LINGO2: variants seen among roughly 807,000 people sequenced by gnomAD.
The protein encoded by LINGO2 is leucine rich repeat and Ig domain containing 2.
In LINGO2, 14 loss-of-function variants were observed where a neutral mutation model predicts 30.6. The observed-to-expected ratio is 0.46, with a 90% CI of 0.30 to 0.72. The LOEUF (loss-of-function observed/expected upper bound fraction) is 0.72, where lower values mean the gene tolerates loss of function less well. LINGO2 is among the 30% of genes least tolerant of loss of function. The pLI is 0.07. For synonymous variants in LINGO2, 317 were observed against 288.5 expected, an observed-to-expected ratio of 1.10 and a Z score of -1.00; for missense variants, 729 against 751.7, an observed-to-expected ratio of 0.97 and a Z score of 0.35.
intron 5 of LINGO2, among the ~76,000 whole-genome samples, chr9:27,977,063 C>A (rs1278322047): frequency 1.3e-5 from 2 of 150,566 alleles, no homozygotes; most frequent in African/African-American, 4.9e-5. Context: ...GAAGTGGAAG[C>A]AAACAACTGA....
At chr9:28,172,351 A>G (rs1190558507) in intron 4 of LINGO2, among the ~76,000 whole-genome samples, 1 of 150,664 alleles carries the variant, frequency 6.6e-6, no homozygotes, top group East Asian at 2.0e-4. Flanking sequence ...AGATCCCGCC[A>G]CTGCACTCCA....
the LINGO2 span, among the ~76,000 whole-genome samples, chr9:28,763,423 A>C: frequency 1.3e-5 from 2 of 152,038 alleles, no homozygotes; most frequent in Non-Finnish European, 2.9e-5. Context: ...ACTAAATAAC[A>C]AACTTTTGAA....
At chr9:28,968,454 T>A in the LINGO2 span, among the ~76,000 whole-genome samples, 1 of 152,168 alleles carries the variant, frequency 6.6e-6, no homozygotes, top group Non-Finnish European at 1.5e-5. Context: ...AGTAAAAATC[T>A]CATTGTAATG....
the LINGO2 span, among the ~76,000 whole-genome samples, chr9:29,048,677 C>T: frequency 6.6e-6 from 1 of 152,106 alleles, no homozygotes; most frequent in African/African-American, 2.4e-5. Flanking sequence ...CTACAGTGAA[C>T]TCATTTTTGA....
intron 4 of LINGO2, among the ~76,000 whole-genome samples, chr9:28,238,802 A>G (rs570472392): frequency 7.3e-5 from 9 of 122,638 alleles, no homozygotes; most frequent in Admixed American, 3.7e-4. Flanking sequence ...GAACAGAAAT[A>G]AATAAATTTG....
intron 4 of LINGO2, among the ~76,000 whole-genome samples, chr9:28,134,208 T>C (rs1345422192): frequency 2.0e-5 from 3 of 152,172 alleles, no homozygotes; most frequent in Non-Finnish European, 2.9e-5. Flanking sequence ...TATATATTCT[T>C]GTCCCCAAAC....
intron 1 of LINGO2, among the ~76,000 whole-genome samples, chr9:28,655,781 G>A (rs934816123): frequency 6.6e-6 from 1 of 152,040 alleles, no homozygotes; most frequent in Non-Finnish European, 1.5e-5. Flanking sequence ...AGAAGGATGT[G>A]TTGGTCTTCT....
intron 4 of LINGO2, among the ~76,000 whole-genome samples, chr9:28,070,400 C>T (rs1365519084): frequency 6.6e-6 from 1 of 151,932 alleles, no homozygotes; most frequent in Non-Finnish European, 1.5e-5. Flanking sequence ...TGACCTATAC[C>T]AAAAACCAAA....
the LINGO2 span, among the ~76,000 whole-genome samples, chr9:28,956,425 G>A: frequency 5.3e-5 from 8 of 152,074 alleles, no homozygotes; most frequent in Non-Finnish European, 1.5e-5. Flanking sequence ...AAAGTGACAG[G>A]TTTTTGTCTT....
At chr9:28,053,108 C>T (rs1350435623) in intron 4 of LINGO2, among the ~76,000 whole-genome samples, 1 of 151,850 alleles carries the variant, frequency 6.6e-6, no homozygotes. Flanking sequence ...GACAGGGGAA[C>T]CATAAGGTAT....
At chr9:28,898,585 CT>C in the LINGO2 span, among the ~76,000 whole-genome samples, 5 of 151,222 alleles carry the variant, frequency 3.3e-5, no homozygotes, top group South Asian at 4.2e-4. Context: ...TAATCGACCC[CT>C]TTTTTTTTAA....
intron 5 of LINGO2, among the ~76,000 whole-genome samples, chr9:27,986,450 T>A (rs1037075650): frequency 4.0e-5 from 6 of 151,872 alleles, no homozygotes; most frequent in Non-Finnish European, 7.4e-5. Flanking sequence ...GTGAATTTAG[T>A]ACTCTCCGGT....
chr9:28,464,276 T>A (rs1264296202), intron 2 of LINGO2, among the ~76,000 whole-genome samples: 1 of 152,226 alleles, frequency 6.6e-6, no homozygotes, highest in Non-Finnish European at 1.5e-5. Flanking sequence ...TCTCCCTGTT[T>A]ATCTGCCAAG....
At chr9:29,140,245 C>A in the LINGO2 span, among the ~76,000 whole-genome samples, 4 of 151,708 alleles carry the variant, frequency 2.6e-5, no homozygotes, top group Non-Finnish European at 2.9e-5. Flanking sequence ...AAAATGGGCA[C>A]GTATGAATTA....
At chr9:29,142,838 T>G in the LINGO2 span, among the ~76,000 whole-genome samples, 1 of 151,860 alleles carries the variant, frequency 6.6e-6, no homozygotes, top group East Asian at 1.9e-4. Flanking sequence ...AAGCGTCCAT[T>G]GAGAGAGGAA....
chr9:28,967,006 A>G, the LINGO2 span, among the ~76,000 whole-genome samples: 1 of 152,122 alleles, frequency 6.6e-6, no homozygotes, highest in Admixed American at 6.6e-5. Context: ...ATTACTCTTC[A>G]AGATTTCACC....
the LINGO2 span, among the ~76,000 whole-genome samples, chr9:28,879,295 A>T: frequency 5.7e-3 from 861 of 152,266 alleles, 8 homozygotes; most frequent in African/African-American, 0.02. Flanking sequence ...TTCTAAAATG[A>T]CATGTCCAAA....
intron 4 of LINGO2, among the ~76,000 whole-genome samples, chr9:28,054,667 C>CA (rs1824835939): frequency 1.3e-5 from 2 of 152,042 alleles, no homozygotes; most frequent in Non-Finnish European, 2.9e-5. Context: ...GTCTTTTGGT[C>CA]AACAGTTGCC....
chr9:28,298,499 CAA>C (rs113910404), intron 3 of LINGO2, among the ~76,000 whole-genome samples: 31 of 112,344 alleles, frequency 2.8e-4, no homozygotes, highest in East Asian at 9.0e-4. Context: ...CTGTCTCTAC[CAA>C]AAAAAAAAAA....
Sources: allele counts gnomAD v4.1 joint callset (sites outside exome capture counted in the v4.1 genomes callset), GRCh38; gene constraint gnomAD v4.1.1; transcripts MANE v1.5; gene names NCBI Gene and HGNC (gene_info 2026-07-23, HGNC 2026-07-21).